The following IQSEC1 variants were observed in gnomAD, a reference collection of about 807,000 sequenced individuals.
IQSEC1 encodes IQ motif and Sec7 domain ArfGEF 1.
A neutral mutation model predicts 91.0 loss-of-function variants in IQSEC1; 31 were observed. The ratio of observed to expected loss-of-function variants is 0.34; its 90% CI spans 0.26 to 0.46. The LOEUF (loss-of-function observed/expected upper bound fraction) is 0.46. IQSEC1 is among the 20% of genes least tolerant of loss of function. The probability of loss-of-function intolerance (pLI) is 1.00; values close to 1 mark genes in which losing one functional copy is unlikely to be tolerated. For synonymous variants in IQSEC1, 699 were observed against 662.6 expected, an observed-to-expected ratio of 1.05 and a Z score of -0.84; for missense variants, 1,388 against 1,575.6, an observed-to-expected ratio of 0.88 and a Z score of 2.02.
chr3:13,109,908 G>A (rs910753537), intron 2 of IQSEC1, among the ~76,000 whole-genome samples: 18 of 138,418 alleles, frequency 1.3e-4, no homozygotes, highest in African/African-American at 2.4e-4. Context: ...TTTTTGAGAC[G>A]GAGTCTAGCT....
At chr3:13,209,703 G>T (rs1694409272) in intron 1 of IQSEC1, among the ~76,000 whole-genome samples, 1 of 152,212 alleles carries the variant, frequency 6.6e-6, no homozygotes, top group African/African-American at 2.4e-5. Flanking sequence ...ATGCTGGGGG[G>T]CTCTCCAACT....
chr3:12,914,404 G>A (rs1278930308), intron 8 of IQSEC1, among the ~76,000 whole-genome samples: 2 of 152,238 alleles, frequency 1.3e-5, no homozygotes, highest in Non-Finnish European at 2.9e-5. Context: ...GACTCTACCA[G>A]GGGTGCTCTA....
Position 12,898,824 on chromosome 3 carries a change from T to G in IQSEC1, c.*2159A>C. The G allele has an allele frequency of 6.5e-6, 1 of 153,156 alleles. No homozygotes were observed. The highest frequency in any genetic ancestry group is 1.5e-5 in the Non-Finnish European group (1 of 68,852). The allele number at this position is 153,156 out of a possible 1,614,324, so 9.5% of individuals were successfully genotyped here. A position where few individuals can be genotyped will look rare whatever the true frequency, so the allele number is the denominator to read the frequency against. ...GCTGACGCCAGATGACATGCAGCAGTTTAACGCTTCCAGGTCGGAACAGCC... is the reference window on the plus strand; with the variant it reads ...GCTGACGCCAGATGACATGCAGCAGGTTAACGCTTCCAGGTCGGAACAGCC... On this transcript the variant is annotated 3_prime_UTR_variant, in exon 14 of 14. Transcript: ENST00000613206.
In IQSEC1 at chr3:13,261,206, G is replaced by A. The variant is rs1406352073; in HGVS notation, c.272+21505C>T. ...CTGCCAGGAGTGCTGGCTGCTGAGG[G>A]CTCCCAGCTGAGTACCACTTGAGGA... is the stretch of plus-strand genomic sequence containing the variant. On this transcript the variant is annotated intron_variant, in intron 1 of 15. Coordinates refer to the IQSEC1 transcript ENST00000648114. Among the ~76,000 whole-genome samples the A allele has an allele frequency of 2.0e-5, 3 of 152,316 alleles. No homozygotes were observed. In the East Asian group the frequency reaches 5.8e-4, roughly 29 times the overall value.
chr3:13,047,807 G>A (rs931059263), intron 1 of IQSEC1, among the ~76,000 whole-genome samples: 3 of 152,140 alleles, frequency 2.0e-5, no homozygotes, highest in African/African-American at 7.2e-5. Flanking sequence ...GAAGCGCAGT[G>A]GGCAGGGTTA....
At chr3:13,179,932 C>T (rs1002876741) in intron 1 of IQSEC1, among the ~76,000 whole-genome samples, 12 of 152,246 alleles carry the variant, frequency 7.9e-5, no homozygotes, top group African/African-American at 2.9e-4. Context: ...TCTCGCTGGG[C>T]CTTAGCTGCC....
chr3:12,984,249 G>A (rs1701612651), intron 1 of IQSEC1, among the ~76,000 whole-genome samples: 1 of 152,192 alleles, frequency 6.6e-6, no homozygotes, highest in African/African-American at 2.4e-5. Context: ...AGACAACTGA[G>A]CACAGGAGGA....
At position 12,936,672 on chromosome 3, in the gene IQSEC1, C is replaced by T; in HGVS notation, c.344G>A (p.Gly115Glu). The change falls in exon 3 of 14, where the codon GGG becomes GAG. Residue 115 changes from glycine to glutamate, a missense_variant. Gly to Glu is a moderately conservative substitution (Grantham distance 98, BLOSUM62 -2). Around this residue, in one of 2 missense-constraint regions of IQSEC1, gnomAD observed 1,059 missense variants for 1,317.8 expected, o/e 0.80. Coordinates refer to ENST00000613206, the MANE Select transcript of IQSEC1 (RefSeq NM_001134382.3). The stretch of plus-strand genomic sequence containing the variant: ...CGCATGGCGGGTTACCAGGCGCCCC[C>T]CATACTTTCGTTCTAGCATCTCCAC... ...KQVEMLERKYGGRLVTRHAAR... is the reference protein window; with the variant it reads ...KQVEMLERKYEGRLVTRHAAR... 6.3e-7 allele frequency: 1 copy of T among 1,590,174 alleles called. No individual in the cohort carries two copies. The highest frequency in any genetic ancestry group is 8.6e-7 in the Non-Finnish European group (1 of 1,167,764).
At chr3:13,164,273 C>T (rs1454178459) in intron 1 of IQSEC1, among the ~76,000 whole-genome samples, 5 of 152,172 alleles carry the variant, frequency 3.3e-5, no homozygotes, top group African/African-American at 1.2e-4. Flanking sequence ...TCCGCAGGCC[C>T]AATCCTCCGG....
chr3:12,993,865 C>T (rs1702105350), intron 1 of IQSEC1, among the ~76,000 whole-genome samples: 1 of 152,098 alleles, frequency 6.6e-6, no homozygotes, highest in Non-Finnish European at 1.5e-5. Flanking sequence ...CTCGCAACCT[C>T]CTTCCGAGAC....
intron 1 of IQSEC1, among the ~76,000 whole-genome samples, chr3:13,219,520 C>T (rs958746731): frequency 6.6e-6 from 1 of 152,204 alleles, no homozygotes; most frequent in Admixed American, 6.5e-5. Flanking sequence ...AGCAGACGCA[C>T]CTCGCAGAGC....
chr3:13,145,732 C>T (rs536607834), intron 2 of IQSEC1, among the ~76,000 whole-genome samples: 3 of 143,700 alleles, frequency 2.1e-5, no homozygotes, highest in East Asian at 2.1e-4. Context: ...GGGCCCAAAG[C>T]GCAAGGAACA....
At chr3:13,183,530 C>T (rs1693881883) in intron 1 of IQSEC1, among the ~76,000 whole-genome samples, 1 of 151,888 alleles carries the variant, frequency 6.6e-6, no homozygotes, top group South Asian at 2.1e-4. Flanking sequence ...CATACCACTG[C>T]ACTCCAGCCT....
chr3:12,941,468 A>G (rs1214669239), intron 2 of IQSEC1, 103 bp downstream of exon 2: 49 of 1,204,028 alleles, frequency 4.1e-5, no homozygotes, highest in Non-Finnish European at 5.4e-5. Flanking sequence ...ACCCCAACTC[A>G]AGTCTATGGG....
intron 2 of IQSEC1, among the ~76,000 whole-genome samples, chr3:12,938,506 C>T (rs1353375861): frequency 6.6e-6 from 1 of 152,158 alleles, no homozygotes; most frequent in Non-Finnish European, 1.5e-5. Flanking sequence ...ATGACTTTTC[C>T]AATCCCAGGC....
At chr3:13,275,231 A>T (rs747168252) in intron 1 of IQSEC1, among the ~76,000 whole-genome samples, 4 of 152,224 alleles carry the variant, frequency 2.6e-5, no homozygotes, top group African/African-American at 4.8e-5. Context: ...TGGCCTCACT[A>T]CAATCAACAC....
intron 2 of IQSEC1, among the ~76,000 whole-genome samples, chr3:13,118,838 G>A (rs1358496155): frequency 1.3e-5 from 2 of 152,158 alleles, no homozygotes; most frequent in African/African-American, 4.8e-5. Context: ...CACTTCGGGA[G>A]GCCAAGGTGG....
At chr3:13,046,643 C>G (rs1704505839) in intron 1 of IQSEC1, among the ~76,000 whole-genome samples, 1 of 152,136 alleles carries the variant, frequency 6.6e-6, no homozygotes. Flanking sequence ...CAAACCTCCC[C>G]CAACTCCCCT....
intron 1 of IQSEC1, among the ~76,000 whole-genome samples, chr3:13,003,861 A>G (rs747854346): frequency 1.2e-4 from 18 of 152,236 alleles, no homozygotes; most frequent in Non-Finnish European, 2.4e-4. Flanking sequence ...GTACTGGAGC[A>G]GTATTTAGGG....
Sources: gnomAD v4.1 joint callset for allele counts (sites outside exome capture counted in the v4.1 genomes callset) on GRCh38, gnomAD v4.1.1 for gene constraint, gnomAD v4.1.1 regional missense constraint, MANE v1.5 for transcripts, NCBI Gene and HGNC (gene_info 2026-07-23, HGNC 2026-07-21) for gene names.